Variants in TRAPPC9 observed in about 807,000 individuals in gnomAD.
TRAPPC9 encodes the protein IKK2 binding protein.
In TRAPPC9, 83 loss-of-function variants were observed where a neutral mutation model predicts 124.0. That is an observed-to-expected ratio of 0.67 (90% CI 0.56 to 0.80). The LOEUF (loss-of-function observed/expected upper bound fraction) is 0.80. Among genes scored for constraint, TRAPPC9 ranks in the 30% least tolerant of loss-of-function variants. The pLI, the probability that TRAPPC9 is intolerant of heterozygous loss-of-function variation, is 0.00. For missense variants in TRAPPC9, 1,302 were observed against 1,508.3 expected, an observed-to-expected ratio of 0.86 and a Z score of 2.27; for synonymous variants, 638 against 617.5, an observed-to-expected ratio of 1.03 and a Z score of -0.49.
At chr8:139,856,442 G>A (rs529818070) in intron 21 of TRAPPC9, among the ~76,000 whole-genome samples, 5 of 152,226 alleles carry the variant, frequency 3.3e-5, no homozygotes, top group South Asian at 2.1e-4. Context: ...CTCTGGGACC[G>A]GGAGGCCAGG....
chr8:140,169,427 A>C (rs1458531697), intron 17 of TRAPPC9, among the ~76,000 whole-genome samples: 1 of 152,188 alleles, frequency 6.6e-6, no homozygotes, highest in Non-Finnish European at 1.5e-5. Flanking sequence ...TTCCACGGAG[A>C]GGTACAGACC....
chr8:140,107,151 C>A (rs1297610886), intron 17 of TRAPPC9, among the ~76,000 whole-genome samples: 1 of 152,146 alleles, frequency 6.6e-6, no homozygotes. Context: ...GGCATTGAAA[C>A]CACCACCAGG....
chr8:140,027,286 C>T (rs1410895384), intron 17 of TRAPPC9, among the ~76,000 whole-genome samples: 1 of 152,188 alleles, frequency 6.6e-6, no homozygotes, highest in African/African-American at 2.4e-5. Flanking sequence ...CAACCAACCA[C>T]CTAACATATA....
intron 21 of TRAPPC9, among the ~76,000 whole-genome samples, chr8:139,787,904 G>A (rs1280521817): frequency 6.6e-6 from 1 of 152,038 alleles, no homozygotes; most frequent in Non-Finnish European, 1.5e-5. Flanking sequence ...TGTCTTCCAG[G>A]GCTACTGTCA....
intron 17 of TRAPPC9, among the ~76,000 whole-genome samples, chr8:140,209,653 C>T (rs984589687): frequency 6.6e-6 from 1 of 152,158 alleles, no homozygotes; most frequent in African/African-American, 2.4e-5. Flanking sequence ...ATTGGATTTG[C>T]TATTTTGTAA....
chr8:140,258,924 G>C (rs1436430361), intron 15 of TRAPPC9, among the ~76,000 whole-genome samples: 1 of 152,220 alleles, frequency 6.6e-6, no homozygotes, highest in Non-Finnish European at 1.5e-5. Context: ...CTGAGGCCCT[G>C]TAAGAGCCTC....
At chr8:140,177,752 T>C (rs2062102402) in intron 17 of TRAPPC9, among the ~76,000 whole-genome samples, 1 of 152,148 alleles carries the variant, frequency 6.6e-6, no homozygotes. Context: ...TGTCTTTCTA[T>C]TTATTTGGAT....
chr8:139,897,898 G>A (rs551725622), intron 20 of TRAPPC9, among the ~76,000 whole-genome samples: 47 of 152,370 alleles, frequency 3.1e-4, no homozygotes, highest in African/African-American at 1.1e-3. Context: ...GCTGTGGAAC[G>A]TTAGAGGCAC....
At chr8:140,094,500 G>A (rs565065804) in intron 17 of TRAPPC9, among the ~76,000 whole-genome samples, 74 of 152,246 alleles carry the variant, frequency 4.9e-4, no homozygotes, top group South Asian at 4.4e-3. Context: ...AAGGGGAAAC[G>A]TCTTGCCTTT....
chr8:139,829,153 T>C (rs1299065028), intron 21 of TRAPPC9, among the ~76,000 whole-genome samples: 6 of 152,230 alleles, frequency 3.9e-5, no homozygotes, highest in African/African-American at 1.4e-4. Context: ...CATACATATG[T>C]GTACTAGACT....
At chr8:140,443,372 C>G (rs1205570992) in intron 2 of TRAPPC9, among the ~76,000 whole-genome samples, 4 of 150,940 alleles carry the variant, frequency 2.7e-5, no homozygotes, top group Admixed American at 2.0e-4. Context: ...GGAGGCGGAG[C>G]TTGCAGTGAG....
intron 16 of TRAPPC9, among the ~76,000 whole-genome samples, chr8:140,226,589 C>T (rs1408371473): frequency 5.3e-5 from 4 of 76,026 alleles, no homozygotes; most frequent in Non-Finnish European, 1.2e-4. Flanking sequence ...GAGACTCGGT[C>T]TCAAAAAAAA....
At chr8:140,153,747 T>G (rs566360239) in intron 17 of TRAPPC9, among the ~76,000 whole-genome samples, 21 of 152,342 alleles carry the variant, frequency 1.4e-4, no homozygotes, top group Middle Eastern at 3.4e-3. Flanking sequence ...TAACATTCAA[T>G]TGCTAAAAAC....
At chr8:139,967,211 C>A (rs368556103) in intron 19 of TRAPPC9, among the ~76,000 whole-genome samples, 23 of 152,176 alleles carry the variant, frequency 1.5e-4, no homozygotes, top group African/African-American at 5.6e-4. Flanking sequence ...ATGAGCAATT[C>A]TTGGGTCCTT....
At chr8:139,810,535 A>G (rs1163571139) in intron 21 of TRAPPC9, among the ~76,000 whole-genome samples, 1 of 152,154 alleles carries the variant, frequency 6.6e-6, no homozygotes, top group Non-Finnish European at 1.5e-5. Context: ...ATCCCCTGAG[A>G]GCTGGCTGTT....
At chr8:140,404,377 G>A (rs1029608104) in intron 6 of TRAPPC9, among the ~76,000 whole-genome samples, 3 of 152,088 alleles carry the variant, frequency 2.0e-5, no homozygotes, top group African/African-American at 7.2e-5. Context: ...GCAAATTAAG[G>A]CAAGCTGTGA....
chr8:140,122,866 T>C (rs1563777724), intron 17 of TRAPPC9, among the ~76,000 whole-genome samples: 1 of 152,200 alleles, frequency 6.6e-6, no homozygotes, highest in Non-Finnish European at 1.5e-5. Context: ...CCCGATGATT[T>C]TGTGAGGCTG....
intron 17 of TRAPPC9, among the ~76,000 whole-genome samples, chr8:140,109,808 C>T (rs1038835406): frequency 6.6e-6 from 1 of 152,222 alleles, no homozygotes; most frequent in East Asian, 1.9e-4. Context: ...GCAGACACAG[C>T]CCAGTGTTTT....
At chr8:140,086,869 T>C (rs1433973382) in intron 17 of TRAPPC9, among the ~76,000 whole-genome samples, 1 of 152,034 alleles carries the variant, frequency 6.6e-6, no homozygotes, top group Non-Finnish European at 1.5e-5. Flanking sequence ...GTGGCAGCAG[T>C]TGCAGTGAGC....
Sources: gnomAD v4.1 joint callset for allele counts (sites outside exome capture counted in the v4.1 genomes callset) on GRCh38, gnomAD v4.1.1 for gene constraint, MANE v1.5 for transcripts, NCBI Gene and HGNC (gene_info 2026-07-23, HGNC 2026-07-21) for gene names.